PCDH9: variants seen among roughly 807,000 people sequenced by gnomAD.
PCDH9 encodes protocadherin-9.
Under a neutral mutation model 70.6 loss-of-function variants are expected in PCDH9, and 24 were observed. That is an observed-to-expected ratio of 0.34 (90% CI 0.25 to 0.48). The LOEUF (loss-of-function observed/expected upper bound fraction) is 0.48. Among genes scored for constraint, PCDH9 ranks in the 20% least tolerant of loss-of-function variants. The probability of loss-of-function intolerance (pLI) is 0.99; values close to 1 mark genes in which losing one functional copy is unlikely to be tolerated. For missense variants in PCDH9, 1,281 were observed against 1,503.6 expected, an observed-to-expected ratio of 0.85 and a Z score of 2.45; for synonymous variants, 562 against 558.5, an observed-to-expected ratio of 1.01 and a Z score of -0.09.
intron 4 of PCDH9, 124 bp from the exon 5 acceptor site, chr13:66,305,152 C>G: frequency 2.4e-6 from 2 of 842,694 alleles, no homozygotes; most frequent in Non-Finnish European, 3.5e-6. Context: ...TCAAGTCAAG[C>G]AACTCAAAGA....
intron 4 of PCDH9, among the ~76,000 whole-genome samples, chr13:66,457,700 A>C (rs1190537058): frequency 6.6e-6 from 1 of 151,966 alleles, no homozygotes; most frequent in African/African-American, 2.4e-5. Context: ...ATTACAGCAA[A>C]GTTGGCAACC....
At chr13:67,100,677 A>G (rs984818344) in intron 2 of PCDH9, among the ~76,000 whole-genome samples, 2 of 152,102 alleles carry the variant, frequency 1.3e-5, no homozygotes, top group Non-Finnish European at 2.9e-5. Flanking sequence ...TCTTCCTCAG[A>G]TATGTTTGCA....
In PCDH9 at chr13:66,566,299, G is replaced by C. The variant is rs566362391; in HGVS notation, c.3340+64911C>G. Among the ~76,000 whole-genome samples, 3 of 152,266 alleles carry C rather than the reference G, an allele frequency of 2.0e-5. No homozygotes were observed. In the South Asian group the frequency reaches 6.2e-4, roughly 32 times the overall value. On this transcript the variant is annotated intron_variant, in intron 4 of 4. Coordinates refer to ENST00000377865, the MANE Select transcript of PCDH9 (RefSeq NM_203487.3). ...GTATCAGTAGACTCTGAGACTCCTAGAAGCAGACCAGCCATAAGAATGCAA... is the reference window on the plus strand; with the variant it reads ...GTATCAGTAGACTCTGAGACTCCTACAAGCAGACCAGCCATAAGAATGCAA...
chr13:66,623,978 G>A (rs1464449698), intron 4 of PCDH9, among the ~76,000 whole-genome samples: 1 of 152,138 alleles, frequency 6.6e-6, no homozygotes, highest in Admixed American at 6.5e-5. Context: ...AGAGGCACAT[G>A]ACAAGCAGGA....
At chr13:66,781,190 T>C (rs1290519733) in intron 3 of PCDH9, among the ~76,000 whole-genome samples, 1 of 152,206 alleles carries the variant, frequency 6.6e-6, no homozygotes, top group Non-Finnish European at 1.5e-5. Flanking sequence ...TATATAATTT[T>C]ATTTAAATTA....
intron 4 of PCDH9, among the ~76,000 whole-genome samples, chr13:66,311,557 T>C (rs963088476): frequency 1.3e-5 from 2 of 152,110 alleles, no homozygotes; most frequent in East Asian, 1.9e-4. Context: ...CTATGTTCTA[T>C]ATTTATTGAA....
At chr13:66,643,181 C>A (rs2077730270) in intron 3 of PCDH9, among the ~76,000 whole-genome samples, 1 of 151,896 alleles carries the variant, frequency 6.6e-6, no homozygotes, top group African/African-American at 2.4e-5. Context: ...CACTGATGAC[C>A]TGATAAGCTG....
At chr13:66,846,803 G>A (rs553861828) in intron 3 of PCDH9, among the ~76,000 whole-genome samples, 9 of 151,804 alleles carry the variant, frequency 5.9e-5, no homozygotes, top group Non-Finnish European at 7.4e-5. Context: ...TCTATGCAAA[G>A]GCTGTAATAG....
chr13:66,459,131 A>G (rs562458930), intron 4 of PCDH9, among the ~76,000 whole-genome samples: 2 of 152,088 alleles, frequency 1.3e-5, no homozygotes, highest in East Asian at 3.9e-4. Context: ...AGGGAAAAAT[A>G]CTTCCAGGGT....
intron 3 of PCDH9, among the ~76,000 whole-genome samples, chr13:66,686,291 T>C (rs1039776944): frequency 2.0e-5 from 3 of 152,142 alleles, no homozygotes; most frequent in Non-Finnish European, 2.9e-5. Flanking sequence ...ACAGGGCTTT[T>C]CCCCTTTTGC....
chr13:66,920,765 C>T (rs574952572), intron 2 of PCDH9, among the ~76,000 whole-genome samples: 1 of 151,254 alleles, frequency 6.6e-6, no homozygotes, highest in South Asian at 2.1e-4. Context: ...GTGTGAATTC[C>T]TGTTTCCAGT....
intron 3 of PCDH9, among the ~76,000 whole-genome samples, chr13:66,769,915 G>A (rs1307323386): frequency 6.6e-6 from 1 of 152,040 alleles, no homozygotes; most frequent in Non-Finnish European, 1.5e-5. Context: ...GCAGGGGCAA[G>A]GCAGGAGGGG....
At chr13:66,334,386 G>A (rs1373851519) in intron 4 of PCDH9, among the ~76,000 whole-genome samples, 2 of 152,078 alleles carry the variant, frequency 1.3e-5, no homozygotes, top group African/African-American at 2.4e-5. Flanking sequence ...TGATAAATCA[G>A]TAGACTTTTA....
At chr13:66,958,605 C>T (rs1010807680) in intron 2 of PCDH9, among the ~76,000 whole-genome samples, 2 of 152,116 alleles carry the variant, frequency 1.3e-5, no homozygotes, top group Non-Finnish European at 2.9e-5. Context: ...TCCTTCCATT[C>T]ATTTTTCTCT....
At position 66,800,210 on chromosome 13, in the gene PCDH9, C is replaced by T. The variant is rs998593995; in HGVS notation, c.3138+103294G>A. 2.6e-5 allele frequency among the ~76,000 whole-genome samples: 4 copies of T among 152,164 alleles called. 1 individual carries two copies. In the Middle Eastern group the frequency reaches 0.014, roughly 518 times the overall value. Reference sequence around the variant, plus strand: ...CTCAGTTCCACCCTTCTATCTATTCCCTGTAACATAAACCCTGCCCTCTCA... The same window carrying T: ...CTCAGTTCCACCCTTCTATCTATTCTCTGTAACATAAACCCTGCCCTCTCA... On this transcript the variant is annotated intron_variant, in intron 3 of 4. Coordinates refer to ENST00000377865, the MANE Select transcript of PCDH9 (RefSeq NM_203487.3).
intron 2 of PCDH9, among the ~76,000 whole-genome samples, chr13:67,147,106 A>G (rs1346988219): frequency 1.3e-5 from 2 of 152,176 alleles, no homozygotes; most frequent in African/African-American, 4.8e-5. Context: ...CATGTAGCCT[A>G]CAGCATTTTT....
intron 3 of PCDH9, among the ~76,000 whole-genome samples, chr13:66,743,718 C>G (rs957640885): frequency 2.6e-5 from 4 of 151,952 alleles, no homozygotes; most frequent in African/African-American, 9.7e-5. Context: ...TTCTGCAAAG[C>G]ATACATATTC....
chr13:66,312,347 A>G (rs1346282347), intron 4 of PCDH9, among the ~76,000 whole-genome samples: 1 of 152,246 alleles, frequency 6.6e-6, no homozygotes, highest in Non-Finnish European at 1.5e-5. Context: ...ATGATAAATC[A>G]ATCTATTGTT....
At chr13:66,887,566 C>G (rs1173726166) in intron 3 of PCDH9, among the ~76,000 whole-genome samples, 2 of 152,116 alleles carry the variant, frequency 1.3e-5, no homozygotes, top group Non-Finnish European at 2.9e-5. Flanking sequence ...GCACTTGTAA[C>G]AATATGAAAT....
Sources: allele counts gnomAD v4.1 joint callset (sites outside exome capture counted in the v4.1 genomes callset), GRCh38; gene constraint gnomAD v4.1.1; transcripts MANE v1.5; gene names NCBI Gene and HGNC (gene_info 2026-07-23, HGNC 2026-07-21).